Variants in NRG1 observed in about 807,000 individuals in gnomAD.
NRG1 encodes the protein neuregulin 1.
In NRG1, 18 loss-of-function variants were observed where a neutral mutation model predicts 63.8. That is an observed-to-expected ratio of 0.28 (90% confidence interval 0.19 to 0.42). The LOEUF (loss-of-function observed/expected upper bound fraction) is 0.42. Among genes scored for constraint, NRG1 ranks in the 10% least tolerant of loss-of-function variants. The pLI is 1.00. For synonymous variants in NRG1, 302 were observed against 301.3 expected (o/e 1.00, Z -0.02); for missense variants, 762 against 814.7 (o/e 0.94, Z 0.79).
intron 11 of NRG1, among the ~76,000 whole-genome samples, chr8:32,761,344 C>A (rs926888146): frequency 3.9e-5 from 6 of 152,022 alleles, no homozygotes; most frequent in African/African-American, 1.2e-4. Flanking sequence ...AATGTCAAAT[C>A]CATACTTATG....
At chr8:31,774,088 G>A (rs1333820367) in intron 1 of NRG1, among the ~76,000 whole-genome samples, 1 of 151,756 alleles carries the variant, frequency 6.6e-6, no homozygotes, top group Non-Finnish European at 1.5e-5. Context: ...GTGTGATCTG[G>A]CCTGAGTCAG....
At chr8:32,185,683 T>C (rs1477624846) in intron 1 of NRG1, among the ~76,000 whole-genome samples, 2 of 152,156 alleles carry the variant, frequency 1.3e-5, no homozygotes, top group Admixed American at 1.3e-4. Context: ...TCCAGTAAAA[T>C]GTTCATTCAA....
At chr8:31,667,320 A>T (rs562360926) in intron 1 of NRG1, among the ~76,000 whole-genome samples, 2 of 152,248 alleles carry the variant, frequency 1.3e-5, no homozygotes, top group East Asian at 3.9e-4. Flanking sequence ...CAGAGGTTGG[A>T]GTTTGTGGCT....
chr8:32,282,016 G>A (rs956090327), intron 1 of NRG1, among the ~76,000 whole-genome samples: 1 of 152,144 alleles, frequency 6.6e-6, no homozygotes, highest in Admixed American at 6.6e-5. Flanking sequence ...AAAAACAACT[G>A]CCTTTCTGAA....
At chr8:31,665,354 T>C (rs1220196479) in intron 1 of NRG1, among the ~76,000 whole-genome samples, 1 of 152,162 alleles carries the variant, frequency 6.6e-6, no homozygotes, top group Non-Finnish European at 1.5e-5. Context: ...ACAGAAATGC[T>C]CTGAGAACAA....
At chr8:32,736,769 G>T (rs1033180426) in intron 6 of NRG1, among the ~76,000 whole-genome samples, 1 of 151,970 alleles carries the variant, frequency 6.6e-6, no homozygotes. Context: ...AAGCTGAGAA[G>T]AGAAAGGATG....
intron 1 of NRG1, among the ~76,000 whole-genome samples, chr8:31,931,162 T>TTC (rs1488172994): frequency 6.6e-6 from 1 of 152,134 alleles, no homozygotes; most frequent in African/African-American, 2.4e-5. Context: ...TACTATTGCT[T>TTC]TCTCTCTCCT....
chr8:32,314,256 G>A (rs2129476147), intron 1 of NRG1, among the ~76,000 whole-genome samples: 1 of 152,200 alleles, frequency 6.6e-6, no homozygotes, highest in South Asian at 2.1e-4. Flanking sequence ...TCTTGGAGCA[G>A]GAGTCAAATG....
chr8:32,142,762 G>A (rs1217196414), intron 1 of NRG1, among the ~76,000 whole-genome samples: 1 of 152,122 alleles, frequency 6.6e-6, no homozygotes, highest in Non-Finnish European at 1.5e-5. Context: ...TGAGAATTTG[G>A]TCTCTGACAA....
chr8:32,161,749 T>C (rs1003181182), intron 1 of NRG1, among the ~76,000 whole-genome samples: 4 of 152,222 alleles, frequency 2.6e-5, no homozygotes, highest in African/African-American at 9.6e-5. Context: ...CTTCCTATAC[T>C]GTTCCAGAGG....
chr8:31,707,581 C>A (rs1190394298), intron 1 of NRG1, among the ~76,000 whole-genome samples: 1 of 151,998 alleles, frequency 6.6e-6, no homozygotes, highest in East Asian at 1.9e-4. Flanking sequence ...AAATTGCTGT[C>A]TTTATGATCT....
intron 1 of NRG1, among the ~76,000 whole-genome samples, chr8:32,072,109 G>A (rs541746287): frequency 4.9e-4 from 74 of 152,136 alleles, no homozygotes; most frequent in African/African-American, 1.5e-3. Context: ...ACAGTATACA[G>A]AATATGACTC....
At chr8:32,134,897 A>G (rs1835309535) in intron 1 of NRG1, among the ~76,000 whole-genome samples, 1 of 152,156 alleles carries the variant, frequency 6.6e-6, no homozygotes, top group East Asian at 1.9e-4. Flanking sequence ...AAACAAACAA[A>G]CAAAAAGTAG....
Position 31,952,177 on chromosome 8 carries a change from C to T in NRG1, c.37+312746C>T, listed in dbSNP as rs185903384. Among the ~76,000 whole-genome samples the T allele has an allele frequency of 8.8e-4, 134 of 152,284 alleles. 1 individual carries two copies. Among genetic ancestry groups the T allele is most frequent in the Middle Eastern group, 6.8e-3 (2 of 294 alleles). On this transcript the variant is annotated intron_variant, in intron 1 of 10. Coordinates refer to the NRG1 transcript ENST00000519301. ...GCTTGAAATGATTTGGCATAGGCTT[C>T]AACTCTAATTTATTCAGCATCCCTT...
intron 1 of NRG1, among the ~76,000 whole-genome samples, chr8:32,288,233 TAA>T (rs1853774752): frequency 6.6e-6 from 1 of 152,148 alleles, no homozygotes; most frequent in South Asian, 2.1e-4. Flanking sequence ...CTATCAATTA[TAA>T]GAGTGATTAG....
At chr8:32,604,400 A>G (rs1034087013) in intron 2 of NRG1, among the ~76,000 whole-genome samples, 1 of 152,194 alleles carries the variant, frequency 6.6e-6, no homozygotes, top group African/African-American at 2.4e-5. Context: ...ATGTGTGACA[A>G]GAAGACCAGA....
chr8:31,837,803 T>C (rs1224037551), intron 1 of NRG1, among the ~76,000 whole-genome samples: 1 of 152,112 alleles, frequency 6.6e-6, no homozygotes. Flanking sequence ...TTGTTGCAAA[T>C]GGCAGGATTT....
chr8:32,319,251 G>C (rs868560658), intron 1 of NRG1, among the ~76,000 whole-genome samples: 21 of 152,256 alleles, frequency 1.4e-4, no homozygotes, highest in South Asian at 4.1e-4. Flanking sequence ...GATGGAAACA[G>C]GACCCATCAC....
chr8:32,557,983 T>C (rs7014349), intron 1 of NRG1, among the ~76,000 whole-genome samples: 30,333 of 152,192 alleles, frequency 0.2, 3,858 homozygotes, highest in Admixed American at 0.33. Context: ...TAGTTACTTA[T>C]TATATTTTGA....
Sources: allele counts gnomAD v4.1 joint callset (sites outside exome capture counted in the v4.1 genomes callset), GRCh38; gene constraint gnomAD v4.1.1; transcripts MANE v1.5; gene names NCBI Gene and HGNC (gene_info 2026-07-23, HGNC 2026-07-21).